The following RPS6KA5 variants were observed in gnomAD, a reference collection of about 807,000 sequenced individuals.
RPS6KA5 encodes ribosomal protein S6 kinase alpha-5.
A neutral mutation model predicts 85.5 loss-of-function variants in RPS6KA5; 27 were observed. The ratio of observed to expected loss-of-function variants is 0.32; its 90% CI spans 0.23 to 0.44. The LOEUF (loss-of-function observed/expected upper bound fraction) is 0.44, where lower values mean the gene tolerates loss of function less well. Among genes scored for constraint, RPS6KA5 ranks in the 20% least tolerant of loss-of-function variants. The pLI, the probability that RPS6KA5 is intolerant of heterozygous loss-of-function variation, is 1.00. For missense variants in RPS6KA5, 811 were observed against 980.9 expected, an observed-to-expected ratio of 0.83 and a Z score of 2.31; for synonymous variants, 334 against 348.2, an observed-to-expected ratio of 0.96 and a Z score of 0.46.
intron 9 of RPS6KA5, 82 bp downstream of exon 9, chr14:90,902,726 A>G (rs554956834): frequency 7.6e-7 from 1 of 1,324,210 alleles, no homozygotes; most frequent in Admixed American, 2.3e-5. Context: ...GATGCCAACA[A>G]AACTACTTCA....
At chr14:91,048,717 A>C (rs1158531185) in intron 1 of RPS6KA5, among the ~76,000 whole-genome samples, 1 of 152,210 alleles carries the variant, frequency 6.6e-6, no homozygotes, top group South Asian at 2.1e-4. Flanking sequence ...CATACCTTTG[A>C]GGTGCACAGA....
intron 7 of RPS6KA5, among the ~76,000 whole-genome samples, chr14:90,916,762 G>A (rs1360788816): frequency 6.6e-6 from 1 of 152,196 alleles, no homozygotes; most frequent in South Asian, 2.1e-4. Flanking sequence ...TTAAAGGGAA[G>A]GAATCCTATT....
intron 3 of RPS6KA5, among the ~76,000 whole-genome samples, chr14:90,960,437 A>G (rs192786124): frequency 6.6e-4 from 101 of 152,322 alleles, no homozygotes; most frequent in Admixed American, 1.2e-3. Flanking sequence ...TAGAGTTAGC[A>G]GTGGCATCAA....
chr14:90,888,756 A>G (rs2034381245), intron 14 of RPS6KA5, among the ~76,000 whole-genome samples: 1 of 152,234 alleles, frequency 6.6e-6, no homozygotes, highest in Non-Finnish European at 1.5e-5. Context: ...CATAAAAGTC[A>G]GATATCATAA....
chr14:90,930,483 C>A lies in RPS6KA5; in HGVS notation c.619-7287G>T, dbSNP rs190037180. Reference sequence around the variant, plus strand: ...AGCTTCATGACATTGGATCTGGCAACGATTTCTTAGATATGACACCAAAAG... The same window carrying A: ...AGCTTCATGACATTGGATCTGGCAAAGATTTCTTAGATATGACACCAAAAG... On this transcript the variant is annotated intron_variant, in intron 5 of 16. Transcript: ENST00000614987. Among the ~76,000 whole-genome samples the A allele has an allele frequency of 2.6e-3, 389 of 152,088 alleles. 3 individuals are homozygous for A. The highest frequency in any genetic ancestry group is 8.9e-3 in the African/African-American group (368 of 41,466).
At chr14:91,044,285 GAGAGAGAGAA>G (rs1221795466) in intron 1 of RPS6KA5, among the ~76,000 whole-genome samples, 3,305 of 135,442 alleles carry the variant, frequency 0.024, 130 homozygotes, top group African/African-American at 0.084. Context: ...AAGAAAGAGA[GAGAGAGAGAA>G]AGAGAGAGAA....
chr14:90,939,427 A>C (rs1237332373), intron 5 of RPS6KA5, among the ~76,000 whole-genome samples: 1 of 152,168 alleles, frequency 6.6e-6, no homozygotes, highest in Non-Finnish European at 1.5e-5. Context: ...CATTTTCAGC[A>C]GCACCCCACT....
At position 90,904,707 on chromosome 14, in the gene RPS6KA5, C is replaced by T. The variant is rs144114870; in HGVS notation, c.957+1442G>A. 4.3e-3 allele frequency among the ~76,000 whole-genome samples: 657 copies of T among 152,292 alleles called. 9 individuals carry two copies. Among genetic ancestry groups the T allele is most frequent in the African/African-American group, 0.015 (612 of 41,548 alleles). ...GCTATTATGATCCTTTCCACCTCCG[C>T]TCCATTTATAGAGAAAAAGGCCATT... On this transcript the variant is annotated intron_variant, in intron 8 of 16. Coordinates refer to ENST00000614987, the MANE Select transcript of RPS6KA5 (RefSeq NM_004755.4).
At chr14:90,975,428 C>T (rs1027272622) in intron 3 of RPS6KA5, among the ~76,000 whole-genome samples, 1 of 152,082 alleles carries the variant, frequency 6.6e-6, no homozygotes. Context: ...AATGAGGCCC[C>T]TAGGGTGGAC....
At chr14:91,038,734 G>A (rs1671015051) in intron 1 of RPS6KA5, among the ~76,000 whole-genome samples, 1 of 152,206 alleles carries the variant, frequency 6.6e-6, no homozygotes, top group Admixed American at 6.5e-5. Context: ...AGCTGCTGCT[G>A]CTTCACTTCT....
intron 2 of RPS6KA5, among the ~76,000 whole-genome samples, chr14:90,985,509 G>C (rs570089601): frequency 1.3e-5 from 2 of 152,288 alleles, no homozygotes; most frequent in South Asian, 2.1e-4. Flanking sequence ...ACCAAGGTGA[G>C]AGCAATGTTT....
Position 90,873,708 on chromosome 14 carries a change from G to A in RPS6KA5, c.2084C>T (p.Ser695Phe). The A allele has an allele frequency of 6.2e-7, 1 of 1,614,116 alleles. No individual in the cohort carries two copies. The highest frequency in any genetic ancestry group is 8.5e-7 in the Non-Finnish European group (1 of 1,179,986). Residue 695 changes from serine (S) to phenylalanine (F), a missense_variant, in exon 16 of 17, where the codon TCC (serine) becomes TTC (phenylalanine). This residue lies in a region of RPS6KA5 where 650 missense variants were observed against 793.4 expected (regional missense o/e 0.82). Coordinates refer to ENST00000614987, the MANE Select transcript of RPS6KA5 (RefSeq NM_004755.4). ...AATATCCGGAGTCATCAGAGGATTG[G>A]AGGACAGCTGACTTCCATCTTGTAG... ...EWLQDGSQLS[S>F]NPLMTPDILG...
chr14:91,054,803 AT>A (rs59436467), intron 1 of RPS6KA5, among the ~76,000 whole-genome samples: 3 of 151,572 alleles, frequency 2.0e-5, no homozygotes, highest in Admixed American at 6.6e-5. Context: ...AAAAAAAAAA[AT>A]TTTTTTTTAA....
chr14:90,903,067 G>A (rs2035270929), intron 8 of RPS6KA5, 98 bp from the exon 9 acceptor site: 16 of 1,009,892 alleles, frequency 1.6e-5, no homozygotes, highest in Admixed American at 1.2e-4. Flanking sequence ...GGTAGGGAGA[G>A]AGGATAAAAA....
chr14:90,957,896 C>T (rs1366956360), intron 3 of RPS6KA5, among the ~76,000 whole-genome samples: 1 of 151,548 alleles, frequency 6.6e-6, no homozygotes, highest in Non-Finnish European at 1.5e-5. Context: ...AATCTCAGCA[C>T]TTGGAAAGGC....
intron 1 of RPS6KA5, among the ~76,000 whole-genome samples, chr14:91,054,792 TA>T (rs34090545): frequency 1.4e-4 from 21 of 150,008 alleles, no homozygotes; most frequent in African/African-American, 3.9e-4. Flanking sequence ...CTCTATTATT[TA>T]AAAAAAAAAA....
In RPS6KA5 at chr14:90,902,947, G is replaced by T; in HGVS notation, c.980C>A (p.Ala327Asp). The T allele has an allele frequency of 1.2e-6, 2 of 1,611,308 alleles. No individual in the cohort carries two copies. The highest frequency in any genetic ancestry group is 1.7e-6 in the Non-Finnish European group (2 of 1,178,556). The change falls in exon 9 of 17, where the codon GCC becomes GAC. Residue 327 changes from alanine (A) to aspartate (D), a missense_variant. By Grantham distance (126) the Ala-to-Asp change is moderately radical (BLOSUM62 -2). This residue lies in a region of RPS6KA5 where 650 missense variants were observed against 793.4 expected (regional missense o/e 0.82). Transcript: ENST00000614987. ...FFQKINWDDLAAKKVPAPFKP... is the reference protein window; with the variant it reads ...FFQKINWDDLDAKKVPAPFKP... ...AAATGGTGCAGGCACTTTTTTGGCG[G>T]CTAAATCATCCCAATTTATTTTCTA...
At chr14:90,957,748 C>A (rs1374167954) in intron 3 of RPS6KA5, among the ~76,000 whole-genome samples, 1 of 152,124 alleles carries the variant, frequency 6.6e-6, no homozygotes, top group Middle Eastern at 3.2e-3. Flanking sequence ...CCACATACGA[C>A]AGAGTTAAGC....
chr14:90,852,988 CCCAAAGTGCTGGGATT>C lies in RPS6KA5; in HGVS notation c.*19070_*19085del, dbSNP rs1240314967. 1 of 152,100 alleles carries C rather than the reference CCCAAAGTGCTGGGATT, an allele frequency of 6.6e-6. No homozygotes were observed. Among genetic ancestry groups the C allele is most frequent in the African/African-American group, 2.4e-5 (1 of 41,392 alleles). The allele number at this position is 152,100 out of a possible 1,614,324, so 9.4% of individuals were successfully genotyped here. On this transcript the variant is annotated 3_prime_UTR_variant, in exon 17 of 17. Transcript: ENST00000614987. ...CCTTGTGATCCGCCCGCCTCGGCCT[CCCAAAGTGCTGGGATT>C]ACAGGCATGAACCACCGTGCCCGGC...
Sources: gnomAD v4.1 joint callset for allele counts (sites outside exome capture counted in the v4.1 genomes callset) on GRCh38, gnomAD v4.1.1 for gene constraint, gnomAD v4.1.1 regional missense constraint, MANE v1.5 for transcripts, NCBI Gene and HGNC (gene_info 2026-07-23, HGNC 2026-07-21) for gene names.